The following AKAP12 variants were observed in gnomAD, a reference collection of about 807,000 sequenced individuals.
The protein encoded by AKAP12 is A-kinase anchoring protein 12.
AKAP12 carries 32 observed loss-of-function variants against 79.9 expected under a neutral mutation model. The observed-to-expected ratio is 0.40, with a 90% CI of 0.30 to 0.54. AKAP12 has a LOEUF of 0.54. Among genes scored for constraint, AKAP12 ranks in the 20% least tolerant of loss-of-function variants. AKAP12 has a pLI of 0.48. For missense variants in AKAP12, 2,074 were observed against 2,177.0 expected, an observed-to-expected ratio of 0.95 and a Z score of 0.94; for synonymous variants, 808 against 857.0, an observed-to-expected ratio of 0.94 and a Z score of 1.00.
chr6:151,337,697 C>T (rs548003677), intron 3 of AKAP12, among the ~76,000 whole-genome samples: 1 of 152,118 alleles, frequency 6.6e-6, no homozygotes, highest in East Asian at 1.9e-4. Flanking sequence ...ACAAAACAAA[C>T]ATCAGTCCAC....
At chr6:151,284,088 A>G (rs1776456075) in intron 2 of AKAP12, among the ~76,000 whole-genome samples, 1 of 152,204 alleles carries the variant, frequency 6.6e-6, no homozygotes. Flanking sequence ...TACAAGGTGA[A>G]CGCACGAGTA....
chr6:151,353,795 C>G, intron 4 of AKAP12, 43 bp downstream of exon 4: 1 of 1,338,456 alleles, frequency 7.5e-7, no homozygotes, highest in Non-Finnish European at 1.0e-6. Flanking sequence ...TCTTTTATGC[C>G]AATAGATGGC....
chr6:151,332,706 A>G (rs1777706774), intron 3 of AKAP12, among the ~76,000 whole-genome samples: 1 of 152,160 alleles, frequency 6.6e-6, no homozygotes, highest in Non-Finnish European at 1.5e-5. Context: ...ACAGGGTGGG[A>G]AAAGACCAGT....
intron 2 of AKAP12, among the ~76,000 whole-genome samples, chr6:151,263,587 T>C (rs1160735687): frequency 6.6e-6 from 1 of 151,758 alleles, no homozygotes; most frequent in East Asian, 2.0e-4. Context: ...CTTTTCTTTT[T>C]TATTTTTATT....
At chr6:151,244,928 A>G (rs1237678634) in intron 2 of AKAP12, among the ~76,000 whole-genome samples, 1 of 152,236 alleles carries the variant, frequency 6.6e-6, no homozygotes, top group Non-Finnish European at 1.5e-5. Flanking sequence ...GAATAAGATA[A>G]GTGGAGATTT....
chr6:151,349,567 T>A lies in AKAP12; in HGVS notation c.1176T>A (p.Ser392=), dbSNP rs1206322713. ...AAGTCAGTGGCTCGCAGGGACCTTC[T>A]GAAGAGAAACCTGCTCCGTTGGCGA... ...EEQVSGSQGP[S]EEKPAPLATE... Residue 392 remains serine (S), a synonymous_variant, in exon 4 of 5, where the codon TCT becomes TCA. Coordinates refer to ENST00000402676, the MANE Select transcript of AKAP12 (RefSeq NM_005100.4). 2.5e-6 allele frequency: 4 copies of A among 1,611,160 alleles called. No individual in the cohort carries two copies. Among genetic ancestry groups the A allele is most frequent in the Non-Finnish European group, 3.4e-6 (4 of 1,179,314 alleles).
chr6:151,274,480 G>A (rs997261409), intron 2 of AKAP12, among the ~76,000 whole-genome samples: 1 of 152,132 alleles, frequency 6.6e-6, no homozygotes, highest in Non-Finnish European at 1.5e-5. Context: ...TCATGATTTC[G>A]TTAAAGTGTA....
intron 2 of AKAP12, among the ~76,000 whole-genome samples, chr6:151,283,972 C>G (rs965165050): frequency 2.0e-5 from 3 of 152,200 alleles, no homozygotes; most frequent in African/African-American, 7.2e-5. Context: ...TCCTTCAGCT[C>G]CTCTCTGCAG....
At chr6:151,342,283 C>T (rs1406690317) in intron 3 of AKAP12, among the ~76,000 whole-genome samples, 3 of 152,356 alleles carry the variant, frequency 2.0e-5, no homozygotes, top group South Asian at 2.1e-4. Context: ...CTGGAAAGTA[C>T]GGTCTAGGCT....
At chr6:151,259,831 C>T (rs1261941941) in intron 2 of AKAP12, among the ~76,000 whole-genome samples, 2 of 152,026 alleles carry the variant, frequency 1.3e-5, no homozygotes, top group Non-Finnish European at 2.9e-5. Context: ...CCTGCCTCAG[C>T]CTCCCAAAGC....
chr6:151,283,370 C>T (rs1776443060), intron 2 of AKAP12, among the ~76,000 whole-genome samples: 1 of 152,150 alleles, frequency 6.6e-6, no homozygotes, highest in Admixed American at 6.5e-5. Flanking sequence ...CCAAGATGGT[C>T]TCCAGGTTTC....
At position 151,356,615 on chromosome 6, in the gene AKAP12, G is replaced by A. The variant is rs1016941070; in HGVS notation, c.*901G>A. 6.6e-6 allele frequency: 1 copy of A among 152,146 alleles called. No homozygotes were observed. Among genetic ancestry groups the A allele is most frequent in the Non-Finnish European group, 1.5e-5 (1 of 68,014 alleles). 9.4% of individuals were successfully genotyped at this position (152,146 alleles called of 1,614,324 possible). A position where few individuals can be genotyped will look rare whatever the true frequency, so the allele number is the denominator to read the frequency against. On this transcript the variant is annotated 3_prime_UTR_variant, in exon 5 of 5. Transcript: ENST00000402676. ...ATATGCTGGACTGCATTCACACATG[G>A]CATGAAATAAGTCAGGTTCTTTACA... is the stretch of plus-strand genomic sequence containing the variant.
intron 2 of AKAP12, among the ~76,000 whole-genome samples, chr6:151,243,726 T>C (rs1797019326): frequency 6.6e-6 from 1 of 152,208 alleles, no homozygotes. Context: ...TGGTCTGTTA[T>C]CTGCCAGGGT....
At chr6:151,347,117 T>C (rs1778122259) in intron 3 of AKAP12, among the ~76,000 whole-genome samples, 1 of 152,246 alleles carries the variant, frequency 6.6e-6, no homozygotes, top group Admixed American at 6.5e-5. Flanking sequence ...AAGGATCCAT[T>C]ATTCTTTTCT....
rs1295070251 is a variant in AKAP12 at position 151,358,236 on chromosome 6, G to A, written c.*2522G>A. ...TTGTTATTTTTGGCATTACTACAGAGCCATGTACAATAGAAAGCAATGCAA... is the reference window on the plus strand; with the variant it reads ...TTGTTATTTTTGGCATTACTACAGAACCATGTACAATAGAAAGCAATGCAA... On this transcript the variant is annotated 3_prime_UTR_variant, in exon 5 of 5. Coordinates refer to ENST00000402676, the MANE Select transcript of AKAP12 (RefSeq NM_005100.4). 1 of 152,226 alleles carries A rather than the reference G, an allele frequency of 6.6e-6. No homozygotes were observed. 9.4% of individuals were successfully genotyped at this position (152,226 alleles called of 1,614,324 possible).
In AKAP12 at chr6:151,351,259, G is replaced by A. The variant is rs751057580; in HGVS notation, c.2868G>A (p.Glu956=). 1 of 1,614,216 alleles carries A rather than the reference G, an allele frequency of 6.2e-7. No individual in the cohort carries two copies. Among genetic ancestry groups the A allele is most frequent in the Non-Finnish European group, 8.5e-7 (1 of 1,180,056 alleles). ...EPPTVTEPLP[E]NREARGDTVV... ...CCACGGTTACTGAACCTCTGCCAGA[G>A]AACAGAGAGGCCCGGGGCGACACGG... Residue 956 remains glutamate, a synonymous_variant, in exon 4 of 5, where the codon GAG becomes GAA. Coordinates refer to ENST00000402676, the MANE Select transcript of AKAP12 (RefSeq NM_005100.4). This position sits in a 1 kb window ranked among gnomAD's most constrained non-coding sequence, Gnocchi z 4.4.
Position 151,294,114 on chromosome 6 carries a change from CAG to C in AKAP12, c.163-11632_163-11631del, listed in dbSNP as rs1040502766. ...TCAGCCTCCCGAGTAGCTGGGACTA[CAG>C]GCGAGTGCCACCATGCCCAGCTAAT... On this transcript the variant is annotated intron_variant, in intron 2 of 4. Coordinates refer to ENST00000402676, the MANE Select transcript of AKAP12 (RefSeq NM_005100.4). 1.1e-4 allele frequency among the ~76,000 whole-genome samples: 16 copies of C among 152,208 alleles called. No homozygotes were observed. In the Middle Eastern group the frequency reaches 0.017, roughly 162 times the overall value.
At chr6:151,257,519 A>G (rs973467120) in intron 2 of AKAP12, among the ~76,000 whole-genome samples, 1 of 151,362 alleles carries the variant, frequency 6.6e-6, no homozygotes, top group Non-Finnish European at 1.5e-5. Flanking sequence ...CTGGTCTTGA[A>G]CTCCTGACCT....
Position 151,348,692 on chromosome 6 carries a change from C to A in AKAP12, c.320-19C>A. Reference sequence around the variant, plus strand: ...ACCTTTTCTCTTCTCCCCACCCCCCCGCCCCTTTTTGTTAATAGTTGGACA... The same window carrying A: ...ACCTTTTCTCTTCTCCCCACCCCCCAGCCCCTTTTTGTTAATAGTTGGACA... On this transcript the variant is annotated intron_variant, in intron 3 of 4. Transcript: ENST00000402676. 5.7e-6 allele frequency: 2 copies of A among 349,440 alleles called. No individual in the cohort carries two copies. Among genetic ancestry groups the A allele is most frequent in the Non-Finnish European group, 5.7e-6 (1 of 175,640 alleles). The allele number at this position is 349,440 out of a possible 1,614,324, so 21.6% of individuals were successfully genotyped here. A position where few individuals can be genotyped will look rare whatever the true frequency, so the allele number is the denominator to read the frequency against.
Sources: allele counts gnomAD v4.1 joint callset (sites outside exome capture counted in the v4.1 genomes callset), GRCh38; gene constraint gnomAD v4.1.1; non-coding constraint Gnocchi (gnomAD v3.1); transcripts MANE v1.5; gene names NCBI Gene and HGNC (gene_info 2026-07-23, HGNC 2026-07-21).